The following ZFHX3 variants were observed in gnomAD, a reference collection of about 807,000 sequenced individuals.
ZFHX3 encodes zinc finger homeobox protein 3.
In ZFHX3, 42 loss-of-function variants were observed where a neutral mutation model predicts 279.1. The ratio of observed to expected loss-of-function variants is 0.15; its 90% CI spans 0.12 to 0.19. ZFHX3 has a LOEUF of 0.19. ZFHX3 is among the 10% of genes least tolerant of loss of function. The pLI, the probability that ZFHX3 is intolerant of heterozygous loss-of-function variation, is 1.00. For missense variants in ZFHX3, 4,981 were observed against 4,754.0 expected (o/e 1.05, Z -1.40); for synonymous variants, 2,293 against 1,957.8 (o/e 1.17, Z -4.52).
chr16:73,275,131 G>T (rs6564250), intron 4 of ZFHX3, among the ~76,000 whole-genome samples: 102,274 of 152,068 alleles, frequency 0.67, 35,198 homozygotes, highest in East Asian at 0.83. Context: ...TTCCTGTTTC[G>T]GGACAGAGAG....
At chr16:73,601,248 T>C (rs1342212258) in intron 2 of ZFHX3, among the ~76,000 whole-genome samples, 1 of 147,480 alleles carries the variant, frequency 6.8e-6, no homozygotes, top group Non-Finnish European at 1.5e-5. Flanking sequence ...GCCAGGAGAT[T>C]GAAACCATCC....
chr16:73,009,173 G>A (rs905706155), intron 1 of ZFHX3, among the ~76,000 whole-genome samples: 12 of 151,502 alleles, frequency 7.9e-5, no homozygotes, highest in East Asian at 2.0e-4. Flanking sequence ...GCATCATACC[G>A]TATCAACTCC....
intron 3 of ZFHX3, among the ~76,000 whole-genome samples, chr16:73,390,004 A>G (rs1163645193): frequency 6.6e-6 from 1 of 152,126 alleles, no homozygotes; most frequent in Non-Finnish European, 1.5e-5. Flanking sequence ...ATGTTGCAGT[A>G]AGCCGAGATT....
At chr16:73,720,980 G>A (rs776219908) in intron 1 of ZFHX3, among the ~76,000 whole-genome samples, 7 of 152,182 alleles carry the variant, frequency 4.6e-5, no homozygotes, top group South Asian at 2.1e-4. Context: ...TAGGGGCCAC[G>A]TGTGGCTGAC....
At chr16:72,809,881 CTTTT>C (rs35871614) in intron 7 of ZFHX3, 2 of 134,500 alleles carry the variant, frequency 1.5e-5, no homozygotes, top group Non-Finnish European at 1.6e-5. Flanking sequence ...CAGGAAAGGG[CTTTT>C]TTTTTTTTTT....
At chr16:72,949,382 G>GGGA (rs1026466556) in intron 3 of ZFHX3, among the ~76,000 whole-genome samples, 4 of 152,144 alleles carry the variant, frequency 2.6e-5, no homozygotes, top group African/African-American at 9.7e-5. Context: ...GAAGGTGTGT[G>GGGA]GGATCAGGCC....
At chr16:72,881,180 T>A (rs2038459149) in intron 4 of ZFHX3, among the ~76,000 whole-genome samples, 1 of 152,234 alleles carries the variant, frequency 6.6e-6, no homozygotes, top group Non-Finnish European at 1.5e-5. Context: ...TTGTCTAAGT[T>A]AACCATGAGC....
intron 4 of ZFHX3, among the ~76,000 whole-genome samples, chr16:73,259,409 G>T (rs1332763545): frequency 6.6e-6 from 1 of 152,180 alleles, no homozygotes; most frequent in African/African-American, 2.4e-5. Flanking sequence ...TATAATTATT[G>T]TTTCAAAAGC....
chr16:73,333,026 T>C (rs1458743915), intron 3 of ZFHX3, among the ~76,000 whole-genome samples: 1 of 152,176 alleles, frequency 6.6e-6, no homozygotes, highest in East Asian at 1.9e-4. Flanking sequence ...CTTCCATCTC[T>C]CTGTCTTCCC....
rs1317618387 is a variant in ZFHX3 at position 72,972,492 on chromosome 16, C to G, written c.-49-12298G>C. Among the ~76,000 whole-genome samples, 3 of 152,142 alleles carry G rather than the reference C, an allele frequency of 2.0e-5. No individual in the cohort carries two copies. In the East Asian group the frequency reaches 5.8e-4, roughly 29 times the overall value. On this transcript the variant is annotated intron_variant, in intron 1 of 9. Transcript: ENST00000268489. Reference sequence around the variant, plus strand: ...CTTTATGTGATTATAAAGGGCCAAACTGCATCAATCATTTTCAAGCTTTCT... The same window carrying G: ...CTTTATGTGATTATAAAGGGCCAAAGTGCATCAATCATTTTCAAGCTTTCT...
chr16:72,951,056 C>A (rs549653796), intron 2 of ZFHX3, 91 bp from the exon 3 acceptor site: 2 of 1,517,170 alleles, frequency 1.3e-6, no homozygotes, highest in African/African-American at 1.4e-5. Flanking sequence ...CCACCCTCAA[C>A]TGGGGTCCAA....
At chr16:73,639,601 T>C (rs1256965906) in intron 2 of ZFHX3, among the ~76,000 whole-genome samples, 1 of 152,172 alleles carries the variant, frequency 6.6e-6, no homozygotes, top group Non-Finnish European at 1.5e-5. Flanking sequence ...GGATTTTTCT[T>C]TTCTCCTAAA....
At chr16:73,265,388 C>T (rs966225828) in intron 4 of ZFHX3, among the ~76,000 whole-genome samples, 1 of 152,104 alleles carries the variant, frequency 6.6e-6, no homozygotes, top group Non-Finnish European at 1.5e-5. Context: ...TTTCTTCTTG[C>T]CAGGGCTAGT....
At chr16:73,096,201 T>C (rs1966160741) in intron 7 of ZFHX3, among the ~76,000 whole-genome samples, 1 of 152,010 alleles carries the variant, frequency 6.6e-6, no homozygotes, top group Non-Finnish European at 1.5e-5. Flanking sequence ...CTGCCCCGAA[T>C]TGGGCTCCTA....
At chr16:73,564,913 A>T (rs2020428286) in intron 2 of ZFHX3, among the ~76,000 whole-genome samples, 4 of 152,188 alleles carry the variant, frequency 2.6e-5, no homozygotes, top group Admixed American at 6.5e-5. Flanking sequence ...ACTGGAATAG[A>T]TGGGTTTGGG....
At chr16:72,792,955 T>TA (rs1409110792) in intron 9 of ZFHX3, among the ~76,000 whole-genome samples, 2 of 152,246 alleles carry the variant, frequency 1.3e-5, no homozygotes, top group Non-Finnish European at 2.9e-5. Context: ...GGGTCTATGA[T>TA]AAAAACTTGT....
chr16:72,930,858 G>A (rs1165014735), intron 3 of ZFHX3, among the ~76,000 whole-genome samples: 2 of 152,100 alleles, frequency 1.3e-5, no homozygotes, highest in African/African-American at 2.4e-5. Flanking sequence ...TGTAAAATGT[G>A]GTACAAGGTG....
At chr16:72,855,424 G>T (rs145567326) in intron 4 of ZFHX3, among the ~76,000 whole-genome samples, 1 of 152,326 alleles carries the variant, frequency 6.6e-6, no homozygotes, top group Non-Finnish European at 1.5e-5. Context: ...ATTATAGAAG[G>T]GCAGGCCACT....
intron 5 of ZFHX3, among the ~76,000 whole-genome samples, chr16:73,186,465 A>G (rs1967909972): frequency 6.6e-6 from 1 of 152,158 alleles, no homozygotes; most frequent in East Asian, 1.9e-4. Flanking sequence ...CTGAGACGAC[A>G]TAAAATACCC....
Sources: gnomAD v4.1 joint callset for allele counts (sites outside exome capture counted in the v4.1 genomes callset) on GRCh38, gnomAD v4.1.1 for gene constraint, MANE v1.5 for transcripts, NCBI Gene and HGNC (gene_info 2026-07-23, HGNC 2026-07-21) for gene names.